Variants in NOS1AP observed in about 807,000 individuals in gnomAD.
NOS1AP encodes nitric oxide synthase 1 adaptor protein.
In NOS1AP, 21 loss-of-function variants were observed where a neutral mutation model predicts 56.2. The ratio of observed to expected loss-of-function variants is 0.37; its 90% confidence interval spans 0.26 to 0.54. The LOEUF is 0.54. Ranked by LOEUF, NOS1AP falls within the 20% of genes least tolerant of loss-of-function variation. The pLI, the probability that NOS1AP is intolerant of heterozygous loss-of-function variation, is 0.84. For missense variants in NOS1AP, 522 were observed against 657.8 expected (o/e 0.79, Z 2.26); for synonymous variants, 270 against 274.6 (o/e 0.98, Z 0.17).
intron 6 of NOS1AP, 70 bp from the exon 7 acceptor site, chr1:162,355,117 G>A (rs1657656506): frequency 6.4e-7 from 1 of 1,573,738 alleles, no homozygotes; most frequent in Non-Finnish European, 8.7e-7. Context: ...GAAAGCTAAA[G>A]TATTAGGAAA....
At chr1:162,152,492 G>A (rs959296143) in intron 1 of NOS1AP, among the ~76,000 whole-genome samples, 7 of 152,220 alleles carry the variant, frequency 4.6e-5, no homozygotes, top group East Asian at 1.9e-4. Flanking sequence ...GCTCTGGGTC[G>A]CTGTCTTGTT....
chr1:162,329,385 A>G (rs882284), intron 4 of NOS1AP, among the ~76,000 whole-genome samples: 6,119 of 135,698 alleles, frequency 0.045, 346 homozygotes, highest in African/African-American at 0.13. Context: ...GAGAGAGAGA[A>G]AAGAAATTTA....
In NOS1AP at chr1:162,075,587, G is replaced by T. The variant is rs373641729; in HGVS notation, c.105+5305G>T. ...AGAACCATTCCACTATACACTGGGT[G>T]TTTATGTCCCCTTTCTCCCTTCTCT... On this transcript the variant is annotated intron_variant, in intron 1 of 9. Coordinates refer to ENST00000361897, the MANE Select transcript of NOS1AP (RefSeq NM_014697.3). 3.9e-5 allele frequency among the ~76,000 whole-genome samples: 6 copies of T among 152,334 alleles called. No individual in the cohort carries two copies. In the South Asian group the frequency reaches 1.2e-3, roughly 32 times the overall value.
chr1:162,248,740 A>G (rs1232515774), intron 2 of NOS1AP, among the ~76,000 whole-genome samples: 1 of 152,064 alleles, frequency 6.6e-6, no homozygotes, highest in Admixed American at 6.6e-5. Context: ...ATTCACCCCA[A>G]CTCCACCAAC....
intron 2 of NOS1AP, among the ~76,000 whole-genome samples, chr1:162,233,165 T>C (rs1653177935): frequency 6.6e-6 from 1 of 152,218 alleles, no homozygotes; most frequent in Non-Finnish European, 1.5e-5. Context: ...CATTTCTAAG[T>C]TCCCAGGTTA....
intron 2 of NOS1AP, among the ~76,000 whole-genome samples, chr1:162,256,083 G>A (rs1654017987): frequency 6.6e-6 from 1 of 152,078 alleles, no homozygotes; most frequent in South Asian, 2.1e-4. Context: ...GACGGAGGTT[G>A]CATTGAGCCA....
chr1:162,084,128 A>T (rs1358548924), intron 1 of NOS1AP, among the ~76,000 whole-genome samples: 1 of 152,170 alleles, frequency 6.6e-6, no homozygotes, highest in Non-Finnish European at 1.5e-5. Context: ...CTGCTTTAAG[A>T]CCCATGTCAG....
At chr1:162,147,612 G>A (rs1244972713) in intron 1 of NOS1AP, among the ~76,000 whole-genome samples, 1 of 152,144 alleles carries the variant, frequency 6.6e-6, no homozygotes, top group Non-Finnish European at 1.5e-5. Flanking sequence ...GCAAGTGAAA[G>A]CACTTTATGA....
Position 162,083,185 on chromosome 1 carries a change from C to T in NOS1AP, c.105+12903C>T, listed in dbSNP as rs1439968445. On this transcript the variant is annotated intron_variant, in intron 1 of 9. Coordinates refer to ENST00000361897, the MANE Select transcript of NOS1AP (RefSeq NM_014697.3). Reference sequence around the variant, plus strand: ...TGCTGGGATTACAGGCGTGAGCCACCGCGCCCGGCCGTGTCCTTTTTTTCT... The same window carrying T: ...TGCTGGGATTACAGGCGTGAGCCACTGCGCCCGGCCGTGTCCTTTTTTTCT... Among the ~76,000 whole-genome samples, 2 of 620 alleles carry T rather than the reference C, an allele frequency of 3.2e-3. 1 individual carries two copies. Among genetic ancestry groups the T allele is most frequent in the African/African-American group, 3.3e-3 (2 of 610 alleles). The allele number at this position is 620 out of a possible 152,430, so 0.4% of individuals were successfully genotyped here. A position where few individuals can be genotyped will look rare whatever the true frequency, so the allele number is the denominator to read the frequency against.
chr1:162,356,981 A>G lies in NOS1AP; in HGVS notation c.784A>G (p.Met262Val). The G allele has an allele frequency of 1.9e-6, 3 of 1,614,122 alleles. No individual in the cohort carries two copies. Among genetic ancestry groups the G allele is most frequent in the Non-Finnish European group, 8.5e-7 (1 of 1,180,028 alleles). ...GSKVSHPQEPMLTASPRMLLP... is the reference protein window; with the variant it reads ...GSKVSHPQEPVLTASPRMLLP... Reference sequence around the variant, plus strand: ...CCAGGTTTCGCACCCCCAGGAGCCCATGCTGACAGCCTCACCCAGGATGCT... The same window carrying G: ...CCAGGTTTCGCACCCCCAGGAGCCCGTGCTGACAGCCTCACCCAGGATGCT... The change falls in exon 8 of 10, where the codon ATG becomes GTG. Residue 262 changes from methionine to valine, a missense_variant. Coordinates refer to ENST00000361897, the MANE Select transcript of NOS1AP (RefSeq NM_014697.3).
chr1:162,146,650 C>T (rs1291978824), intron 1 of NOS1AP, among the ~76,000 whole-genome samples: 1 of 152,196 alleles, frequency 6.6e-6, no homozygotes, highest in Non-Finnish European at 1.5e-5. Flanking sequence ...GCTTGACTTC[C>T]CATAATCTCT....
At chr1:162,265,235 T>TTA (rs1399860278) in intron 2 of NOS1AP, among the ~76,000 whole-genome samples, 2 of 150,412 alleles carry the variant, frequency 1.3e-5, no homozygotes, top group African/African-American at 2.5e-5. Context: ...TTTTTTTTTT[T>TTA]TTATTATTTT....
chr1:162,184,988 G>A (rs951950074), intron 2 of NOS1AP, among the ~76,000 whole-genome samples: 1 of 152,206 alleles, frequency 6.6e-6, no homozygotes, highest in Non-Finnish European at 1.5e-5. Context: ...TCAAGATGCT[G>A]GCACAGCTGT....
At chr1:162,211,551 A>G (rs1652348081) in intron 2 of NOS1AP, among the ~76,000 whole-genome samples, 2 of 152,162 alleles carry the variant, frequency 1.3e-5, no homozygotes, top group African/African-American at 2.4e-5. Context: ...AATACAATCT[A>G]TAGCACTTAT....
At chr1:162,354,603 TCTG>T (rs1169225544) in intron 6 of NOS1AP, among the ~76,000 whole-genome samples, 2 of 152,218 alleles carry the variant, frequency 1.3e-5, no homozygotes, top group Admixed American at 6.5e-5. Flanking sequence ...CTTCCTGGCT[TCTG>T]CTGTTGGTGA....
intron 1 of NOS1AP, among the ~76,000 whole-genome samples, chr1:162,119,419 G>C (rs919478648): frequency 6.6e-6 from 1 of 152,156 alleles, no homozygotes; most frequent in Non-Finnish European, 1.5e-5. Flanking sequence ...CCTAAGAACT[G>C]TATATGGTGT....
chr1:162,365,343 TG>T (rs1374464353), intron 8 of NOS1AP, 60 bp from the exon 9 acceptor site: 3 of 1,611,192 alleles, frequency 1.9e-6, no homozygotes, highest in Non-Finnish European at 2.5e-6. Flanking sequence ...GACTCTCATG[TG>T]CATTCATGTC....
intron 5 of NOS1AP, among the ~76,000 whole-genome samples, chr1:162,339,783 G>C (rs546151054): frequency 1.3e-5 from 2 of 152,318 alleles, no homozygotes; most frequent in Admixed American, 6.5e-5. Flanking sequence ...GTAACTAAGT[G>C]GGGTAGGCCT....
At chr1:162,318,335 A>G (rs1278744894) in intron 4 of NOS1AP, among the ~76,000 whole-genome samples, 1 of 152,110 alleles carries the variant, frequency 6.6e-6, no homozygotes, top group South Asian at 2.1e-4. Flanking sequence ...TTTTCAGCTC[A>G]TTTTAATTGG....
Sources: allele counts gnomAD v4.1 joint callset (sites outside exome capture counted in the v4.1 genomes callset), GRCh38; gene constraint gnomAD v4.1.1; transcripts MANE v1.5; gene names NCBI Gene and HGNC (gene_info 2026-07-23, HGNC 2026-07-21).